The following TBC1D22A variants were observed in gnomAD, a reference collection of about 807,000 sequenced individuals.
The protein encoded by TBC1D22A is TBC1 domain family member 22A.
In TBC1D22A, 38 loss-of-function variants were observed where a neutral mutation model predicts 60.2. The observed-to-expected ratio is 0.63, with a 90% CI of 0.49 to 0.83. The LOEUF is 0.83. TBC1D22A is among the 40% of genes least tolerant of loss of function. The probability of loss-of-function intolerance (pLI) is 0.00; values close to 1 mark genes in which losing one functional copy is unlikely to be tolerated. For missense variants in TBC1D22A, 628 were observed against 701.0 expected, an observed-to-expected ratio of 0.90 and a Z score of 1.18; for synonymous variants, 302 against 281.7, an observed-to-expected ratio of 1.07 and a Z score of -0.72.
chr22:47,142,037 T>C (rs952609709), intron 12 of TBC1D22A, among the ~76,000 whole-genome samples: 4 of 152,156 alleles, frequency 2.6e-5, no homozygotes, highest in African/African-American at 9.7e-5. Context: ...CACTGAGAAT[T>C]CTTCCCACAT....
Position 46,813,641 on chromosome 22 carries a change from A to C in TBC1D22A, c.637+16021A>C, listed in dbSNP as rs563492484. ...GATCTGCCGCAGATAATACGGTAGA[A>C]CTAGGGAGGGTTAGGGCCCTTAAGC... On this transcript the variant is annotated intron_variant, in intron 4 of 12. Transcript: ENST00000337137. Among the ~76,000 whole-genome samples, 432 of 152,354 alleles carry C rather than the reference A, an allele frequency of 2.8e-3. 5 individuals carry two copies. Among genetic ancestry groups the C allele is most frequent in the South Asian group, 0.024 (114 of 4,832 alleles).
intron 8 of TBC1D22A, among the ~76,000 whole-genome samples, chr22:46,954,717 A>T (rs1230689503): frequency 2.0e-5 from 3 of 152,240 alleles, no homozygotes; most frequent in African/African-American, 7.2e-5. Flanking sequence ...GAAATGGGTC[A>T]TCTACCCATT....
chr22:46,773,533 C>T (rs542799168), intron 1 of TBC1D22A, among the ~76,000 whole-genome samples: 3 of 152,264 alleles, frequency 2.0e-5, no homozygotes, highest in Non-Finnish European at 4.4e-5. Flanking sequence ...GGTGCCATCT[C>T]AGCTCACTGT....
intron 4 of TBC1D22A, among the ~76,000 whole-genome samples, chr22:46,863,825 T>C (rs1306697196): frequency 3.9e-5 from 6 of 152,204 alleles, no homozygotes; most frequent in African/African-American, 1.4e-4. Context: ...CTTTCTCAGA[T>C]GCTCCCCCTC....
intron 6 of TBC1D22A, among the ~76,000 whole-genome samples, chr22:46,892,649 T>C (rs1262024540): frequency 2.0e-5 from 3 of 152,246 alleles, no homozygotes; most frequent in African/African-American, 7.2e-5. Flanking sequence ...TTTTAGGAAA[T>C]TGATAAATTT....
chr22:47,100,652 T>C (rs1353670775), intron 11 of TBC1D22A, among the ~76,000 whole-genome samples: 1 of 152,238 alleles, frequency 6.6e-6, no homozygotes, highest in Non-Finnish European at 1.5e-5. Context: ...CCTGCCACCA[T>C]CCACGTAAGA....
chr22:46,913,854 C>A, intron 8 of TBC1D22A: 1 of 777,284 alleles, frequency 1.3e-6, no homozygotes, highest in Non-Finnish European at 1.6e-6. Flanking sequence ...TGATTATCTG[C>A]AAGACAGGAT....
intron 11 of TBC1D22A, among the ~76,000 whole-genome samples, chr22:47,045,403 C>A (rs574567021): frequency 6.6e-6 from 1 of 152,152 alleles, no homozygotes. Flanking sequence ...CTCCCGGAAG[C>A]GGTCATGCAG....
chr22:46,891,759 A>T lies in TBC1D22A; in HGVS notation c.837+365A>T, dbSNP rs564550563. Among the ~76,000 whole-genome samples, 4 of 152,330 alleles carry T rather than the reference A, an allele frequency of 2.6e-5. No homozygotes were observed. In the South Asian group the frequency reaches 8.3e-4, roughly 32 times the overall value. ...AGGCCATTCCTAAAGGCCCAGGCCC[A>T]ACCACTTAGCTGATGGCATCAGGAC... is the stretch of plus-strand genomic sequence containing the variant. On this transcript the variant is annotated intron_variant, in intron 6 of 12. Coordinates refer to ENST00000337137, the MANE Select transcript of TBC1D22A (RefSeq NM_014346.5).
chr22:46,831,340 G>A (rs73468747), intron 4 of TBC1D22A, among the ~76,000 whole-genome samples: 4,269 of 152,154 alleles, frequency 0.028, 210 homozygotes, highest in African/African-American at 0.098. Context: ...TTCGTTTAAC[G>A]GTTGTGGGAA....
intron 4 of TBC1D22A, among the ~76,000 whole-genome samples, chr22:46,854,601 C>T (rs1432570761): frequency 1.3e-5 from 2 of 152,108 alleles, no homozygotes; most frequent in African/African-American, 2.4e-5. Flanking sequence ...TCCTTTCTGC[C>T]TTTGATGGGT....
rs1232480367 is a variant in TBC1D22A at position 46,793,869 on chromosome 22, C to G, written c.460+28C>G. 2.7e-6 allele frequency: 4 copies of G among 1,505,476 alleles called. No individual in the cohort carries two copies. In the Admixed American group the frequency reaches 7.3e-5, roughly 27 times the overall value. 93.3% of individuals were successfully genotyped at this position (1,505,476 alleles called of 1,614,324 possible). On this transcript the variant is annotated intron_variant, in intron 3 of 12. Coordinates refer to ENST00000337137, the MANE Select transcript of TBC1D22A (RefSeq NM_014346.5). The stretch of plus-strand genomic sequence containing the variant: ...ACGATGGGAGGACTGAAGAGATGGT[C>G]TGGGTTTCTGGCCAAGCTAAGAAAG...
At chr22:46,911,984 C>G (rs1162849223) in intron 7 of TBC1D22A, 90 bp from the exon 8 acceptor site, 1 of 784,166 alleles carries the variant, frequency 1.3e-6, no homozygotes. Context: ...TGAGAAAATA[C>G]AGTGTACATT....
chr22:47,076,361 G>GTGTGTATATATATATATA (rs1392245000), intron 11 of TBC1D22A, among the ~76,000 whole-genome samples: 2 of 101,922 alleles, frequency 2.0e-5, no homozygotes, highest in Non-Finnish European at 3.9e-5. Flanking sequence ...ATATGTGTGT[G>GTGTGTATATATATATATA]TATATATATA....
At chr22:47,126,917 C>T (rs1315640832) in intron 12 of TBC1D22A, among the ~76,000 whole-genome samples, 1 of 152,198 alleles carries the variant, frequency 6.6e-6, no homozygotes, top group East Asian at 1.9e-4. Flanking sequence ...ACTTCTAGGG[C>T]TGCTGGAGGG....
In TBC1D22A at chr22:46,883,097, T is replaced by A. The variant is rs11913464; in HGVS notation, c.708+4374T>A. ...CAGAATCATATTTCTGGCTCTTTTT[T>A]AAATAAGTATTTCAGAAACGTGGCA... On this transcript the variant is annotated intron_variant, in intron 5 of 12. Transcript: ENST00000337137. Among the ~76,000 whole-genome samples, 958 of 152,350 alleles carry A rather than the reference T, an allele frequency of 6.3e-3. 11 individuals are homozygous for A. The highest frequency in any genetic ancestry group is 0.022 in the African/African-American group (905 of 41,566).
At chr22:47,073,506 ACCATGAAG>A (rs2064085866) in intron 11 of TBC1D22A, among the ~76,000 whole-genome samples, 1 of 152,096 alleles carries the variant, frequency 6.6e-6, no homozygotes, top group African/African-American at 2.4e-5. Context: ...GCGGGGAAAA[ACCATGAAG>A]CCTCATAAAT....
chr22:46,989,405 C>A (rs1314687126), intron 9 of TBC1D22A, among the ~76,000 whole-genome samples: 1 of 152,072 alleles, frequency 6.6e-6, no homozygotes, highest in African/African-American at 2.4e-5. Flanking sequence ...GCCTTCCTCA[C>A]CAAGCGTAAT....
At chr22:46,835,700 A>G (rs2086486748) in intron 4 of TBC1D22A, among the ~76,000 whole-genome samples, 1 of 152,222 alleles carries the variant, frequency 6.6e-6, no homozygotes, top group Non-Finnish European at 1.5e-5. Context: ...AATGTCTTAA[A>G]TCTGGGGAGA....
Sources: gnomAD v4.1 joint callset for allele counts (sites outside exome capture counted in the v4.1 genomes callset) on GRCh38, gnomAD v4.1.1 for gene constraint, MANE v1.5 for transcripts, NCBI Gene and HGNC (gene_info 2026-07-23, HGNC 2026-07-21) for gene names.